Variants in GLMN observed in about 807,000 individuals in gnomAD.
The protein encoded by GLMN is glomulin.
A neutral mutation model predicts 87.8 loss-of-function variants in GLMN; 75 were observed. The observed-to-expected ratio is 0.85, with a 90% confidence interval of 0.71 to 1.04. GLMN has a LOEUF of 1.04. Among genes scored for constraint, GLMN ranks in the 50% least tolerant of loss-of-function variants. GLMN has a pLI of 0.00. For synonymous variants in GLMN, 206 were observed against 221.6 expected, an observed-to-expected ratio of 0.93 and a Z score of 0.63; for missense variants, 588 against 658.8, an observed-to-expected ratio of 0.89 and a Z score of 1.18.
At chr1:92,314,750 TA>T in the GLMN span, among the ~76,000 whole-genome samples, 235 of 107,062 alleles carry the variant, frequency 2.2e-3, no homozygotes, top group Middle Eastern at 9.6e-3. Flanking sequence ...CTCAATAAAT[TA>T]AAAAAAAAAA....
chr1:92,312,271 G>C, the GLMN span, among the ~76,000 whole-genome samples: 2 of 152,052 alleles, frequency 1.3e-5, no homozygotes, highest in Non-Finnish European at 2.9e-5. Flanking sequence ...TAAAAAATTA[G>C]CTGGGTGTGG....
In GLMN at chr1:92,266,405, T is replaced by C; in HGVS notation, c.1214+14A>G. On this transcript the variant is annotated intron_variant, in intron 13 of 18. Transcript: ENST00000370360. ...CAACCACACACTTAGCAATTAGCCA[T>C]GCTTGATACATACCTAAATAATGTA... is the stretch of plus-strand genomic sequence containing the variant. 1 of 1,358,526 alleles carries C rather than the reference T, an allele frequency of 7.4e-7. No individual in the cohort carries two copies. Among genetic ancestry groups the C allele is most frequent in the South Asian group, 1.2e-5 (1 of 85,602 alleles). 84.2% of individuals were successfully genotyped at this position (1,358,526 alleles called of 1,614,324 possible). A position where few individuals can be genotyped will look rare whatever the true frequency, so the allele number is the denominator to read the frequency against.
the GLMN span, among the ~76,000 whole-genome samples, chr1:92,319,929 C>T: frequency 6.7e-6 from 1 of 149,840 alleles, no homozygotes; most frequent in Non-Finnish European, 1.5e-5. Flanking sequence ...ACCCGGGAGG[C>T]AGAGGTTATG....
chr1:92,320,286 T>A, the GLMN span, among the ~76,000 whole-genome samples: 77 of 152,248 alleles, frequency 5.1e-4, no homozygotes, highest in Non-Finnish European at 9.6e-4. Flanking sequence ...TTTCTTTTTT[T>A]TTCTTAAGAT....
At chr1:92,350,239 T>C in the GLMN span, among the ~76,000 whole-genome samples, 1 of 152,212 alleles carries the variant, frequency 6.6e-6, no homozygotes, top group East Asian at 1.9e-4. Flanking sequence ...GCACTATACA[T>C]TTATGAAGGA....
chr1:92,361,357 T>C, the GLMN span, among the ~76,000 whole-genome samples: 1 of 152,286 alleles, frequency 6.6e-6, no homozygotes, highest in South Asian at 2.1e-4. Flanking sequence ...AAGCACTTAC[T>C]CTAGCACTTA....
chr1:92,261,190 T>C (rs1655004446), intron 16 of GLMN, among the ~76,000 whole-genome samples: 1 of 152,268 alleles, frequency 6.6e-6, no homozygotes, highest in East Asian at 1.9e-4. Flanking sequence ...AGGATTTAGT[T>C]TGTGATTTAG....
chr1:92,337,066 G>C, the GLMN span, among the ~76,000 whole-genome samples: 1 of 152,048 alleles, frequency 6.6e-6, no homozygotes, highest in East Asian at 1.9e-4. Context: ...ATTAGTAGAG[G>C]TGTACCAAAT....
chr1:92,335,860 T>C, the GLMN span, among the ~76,000 whole-genome samples: 3 of 152,186 alleles, frequency 2.0e-5, no homozygotes, highest in African/African-American at 4.8e-5. Context: ...ATCTGATTAT[T>C]TCCTTAGATT....
At position 92,286,525 on chromosome 1, in the gene GLMN, T is replaced by G. The variant is rs768709926; in HGVS notation, c.700A>C (p.Asn234His). Residue 234 changes from asparagine to histidine, a missense_variant, in exon 7 of 19, where the codon AAT becomes CAT. Asn to His is a moderately conservative substitution (Grantham distance 68). Coordinates refer to ENST00000370360, the MANE Select transcript of GLMN (RefSeq NM_053274.3). ...QFFEQSEEGG[N>H]DPFRYFASEI... is the part of the protein sequence containing the mutation. ...GATGCAAAATACCTGAAAGGATCATTTCCACCTTCTTCAGACTGTTCAAAG... is the reference window on the plus strand; with the variant it reads ...GATGCAAAATACCTGAAAGGATCATGTCCACCTTCTTCAGACTGTTCAAAG... 4.4e-6 allele frequency: 7 copies of G among 1,600,700 alleles called. No individual in the cohort carries two copies. The highest frequency in any genetic ancestry group is 6.0e-6 in the Non-Finnish European group (7 of 1,167,926).
chr1:92,348,778 T>A, the GLMN span, among the ~76,000 whole-genome samples: 1 of 152,214 alleles, frequency 6.6e-6, no homozygotes, highest in Admixed American at 6.5e-5. Flanking sequence ...AAAACTCCAT[T>A]GACTTCTATA....
At chr1:92,272,987 A>T (rs1022001168) in intron 7 of GLMN, among the ~76,000 whole-genome samples, 1 of 152,260 alleles carries the variant, frequency 6.6e-6, no homozygotes, top group Non-Finnish European at 1.5e-5. Context: ...AAAGCGTAAG[A>T]AAGTTAAAGT....
At chr1:92,292,482 C>T (rs566527945) in intron 3 of GLMN, among the ~76,000 whole-genome samples, 5 of 152,046 alleles carry the variant, frequency 3.3e-5, no homozygotes, top group African/African-American at 4.8e-5. Flanking sequence ...GCTGTCCCAG[C>T]TCACTGCAAG....
At chr1:92,300,078 CAT>C (rs1320866412), upstream of GLMN, 5 of 688,046 alleles carry the variant, frequency 7.3e-6, no homozygotes, top group African/African-American at 9.1e-5. Context: ...TATATCTAAA[CAT>C]AGAAAAGGTA....
chr1:92,290,993 G>A (rs982596058), intron 4 of GLMN, among the ~76,000 whole-genome samples: 1 of 152,026 alleles, frequency 6.6e-6, no homozygotes, highest in Admixed American at 6.6e-5. Flanking sequence ...TTGTATTCTA[G>A]GCCTTCCATT....
intron 6 of GLMN, among the ~76,000 whole-genome samples, chr1:92,288,385 G>C (rs1649021277): frequency 6.6e-6 from 1 of 151,958 alleles, no homozygotes; most frequent in Non-Finnish European, 1.5e-5. Context: ...GCAATACAAA[G>C]AAGAATATAA....
chr1:92,323,874 A>G, the GLMN span: 42 of 1,614,086 alleles, frequency 2.6e-5, no homozygotes, highest in African/African-American at 4.0e-4. Context: ...CTGAAAGTGA[A>G]TACAGTAGGT....
the GLMN span, among the ~76,000 whole-genome samples, chr1:92,309,610 CACATACACATACACATAT>C: frequency 6.0e-5 from 8 of 133,054 alleles, no homozygotes; most frequent in Non-Finnish European, 1.3e-4. Context: ...CATACACATA[CACATACACATACACATAT>C]ACAAGTATAA....
Position 92,285,271 on chromosome 1 carries a change from A to T in GLMN, c.735+1219T>A, listed in dbSNP as rs573832432. On this transcript the variant is annotated intron_variant, in intron 7 of 18. Coordinates refer to ENST00000370360, the MANE Select transcript of GLMN (RefSeq NM_053274.3). ...AAATGTGGCACATATATACCATGGA[A>T]TACTATGCAGCCATTAAAAAGGATG... Among the ~76,000 whole-genome samples the T allele has an allele frequency of 9.8e-5, 15 of 152,306 alleles. No homozygotes were observed. The East Asian group carries it at 2.9e-3, about 29-fold the overall frequency.
Sources: gnomAD v4.1 joint callset for allele counts (sites outside exome capture counted in the v4.1 genomes callset) on GRCh38, gnomAD v4.1.1 for gene constraint, MANE v1.5 for transcripts, NCBI Gene and HGNC (gene_info 2026-07-23, HGNC 2026-07-21) for gene names.